Variants in GFRA1 observed in about 807,000 individuals in gnomAD.
The protein encoded by GFRA1 is GDNF family receptor alpha-1.
GFRA1 carries 16 observed loss-of-function variants against 51.6 expected under a neutral mutation model. The observed-to-expected ratio is 0.31, with a 90% CI of 0.21 to 0.47. The LOEUF (loss-of-function observed/expected upper bound fraction) is 0.47. GFRA1 is among the 20% of genes least tolerant of loss of function. The pLI, the probability that GFRA1 is intolerant of heterozygous loss-of-function variation, is 1.00. For synonymous variants in GFRA1, 270 were observed against 241.3 expected (o/e 1.12, Z -1.10); for missense variants, 530 against 594.3 (o/e 0.89, Z 1.13).
chr10:116,102,565 C>G (rs1317846266), intron 6 of GFRA1, among the ~76,000 whole-genome samples: 1 of 152,198 alleles, frequency 6.6e-6, no homozygotes. Context: ...TTCACAGTTC[C>G]ACATGGTGCG....
intron 9 of GFRA1, among the ~76,000 whole-genome samples, chr10:116,086,556 C>CT (rs1956108409): frequency 6.6e-6 from 1 of 152,184 alleles, no homozygotes; most frequent in Non-Finnish European, 1.5e-5. Flanking sequence ...GCCCTTATCC[C>CT]TTATTCCCTG....
chr10:116,163,796 C>T (rs949608983), intron 5 of GFRA1, among the ~76,000 whole-genome samples: 2 of 152,172 alleles, frequency 1.3e-5, no homozygotes, highest in South Asian at 4.1e-4. Context: ...CCAGTGCTGG[C>T]CACATATTTC....
chr10:116,091,275 G>T (rs532400248), intron 8 of GFRA1, among the ~76,000 whole-genome samples: 1 of 152,312 alleles, frequency 6.6e-6, no homozygotes, highest in East Asian at 1.9e-4. Context: ...AACTATGCAT[G>T]GGGCACACAG....
chr10:116,081,775 G>T (rs537355568), intron 9 of GFRA1, among the ~76,000 whole-genome samples: 1 of 152,206 alleles, frequency 6.6e-6, no homozygotes, highest in South Asian at 2.1e-4. Flanking sequence ...TGGGGCTTGG[G>T]GACTACTGGT....
chr10:116,077,968 C>A (rs1358820878), intron 9 of GFRA1, among the ~76,000 whole-genome samples: 1 of 152,152 alleles, frequency 6.6e-6, no homozygotes, highest in Non-Finnish European at 1.5e-5. Context: ...TTAACGTCTC[C>A]CCATGAGTGA....
chr10:116,151,702 G>A (rs897604997), intron 5 of GFRA1, among the ~76,000 whole-genome samples: 4 of 152,036 alleles, frequency 2.6e-5, no homozygotes, highest in African/African-American at 4.8e-5. Context: ...AGGAGGATAC[G>A]CACCACACAG....
intron 4 of GFRA1, among the ~76,000 whole-genome samples, chr10:116,252,050 C>T (rs369201219): frequency 1.6e-5 from 2 of 127,834 alleles, no homozygotes; most frequent in East Asian, 2.6e-4. Context: ...TTCCAAACAA[C>T]ATTTGACTTT....
intron 5 of GFRA1, 21 bp downstream of exon 5, chr10:116,211,610 G>A: frequency 6.5e-7 from 1 of 1,547,938 alleles, no homozygotes; most frequent in Non-Finnish European, 8.7e-7. Flanking sequence ...TGAAAAAGCA[G>A]GCAGGAAACA....
At position 116,079,647 on chromosome 10, in the gene GFRA1, G is replaced by A. The variant is rs933874123; in HGVS notation, c.1197+10094C>T. On this transcript the variant is annotated intron_variant, in intron 9 of 10. Transcript: ENST00000355422. ...CTGGTATCCGGACGGTAGAGGCCAGGGACGCTGCTAAATACCCTACAATGC... is the reference window on the plus strand; with the variant it reads ...CTGGTATCCGGACGGTAGAGGCCAGAGACGCTGCTAAATACCCTACAATGC... Among the ~76,000 whole-genome samples the A allele has an allele frequency of 2.0e-5, 3 of 152,154 alleles. No individual in the cohort carries two copies. In the South Asian group the frequency reaches 6.2e-4, roughly 32 times the overall value.
chr10:116,095,744 G>A (rs955736110), intron 7 of GFRA1, among the ~76,000 whole-genome samples: 14 of 152,288 alleles, frequency 9.2e-5, no homozygotes, highest in Admixed American at 1.3e-4. Flanking sequence ...GTCATTCTCC[G>A]GGAGAGGTTC....
At chr10:116,065,756 A>G (rs1589758749) in intron 9 of GFRA1, 130 bp from the exon 10 acceptor site, 4 of 696,116 alleles carry the variant, frequency 5.7e-6, no homozygotes, top group Admixed American at 4.5e-5. Flanking sequence ...CTCCATATAT[A>G]ATTGAACATT....
At chr10:116,103,854 G>T (rs2133939403) in intron 6 of GFRA1, among the ~76,000 whole-genome samples, 1 of 152,256 alleles carries the variant, frequency 6.6e-6, no homozygotes, top group East Asian at 1.9e-4. Flanking sequence ...AGGAAACCAG[G>T]GCCTGTATTA....
intron 5 of GFRA1, among the ~76,000 whole-genome samples, chr10:116,191,781 C>T (rs1359480915): frequency 6.6e-6 from 1 of 152,178 alleles, no homozygotes; most frequent in African/African-American, 2.4e-5. Context: ...AATCCCAGCA[C>T]TTTGGGAGGC....
chr10:116,236,196 C>A (rs1966872139), intron 4 of GFRA1, among the ~76,000 whole-genome samples: 1 of 152,126 alleles, frequency 6.6e-6, no homozygotes, highest in Admixed American at 6.5e-5. Context: ...GATAACAACC[C>A]CAGCCCATGG....
intron 5 of GFRA1, among the ~76,000 whole-genome samples, chr10:116,139,512 C>T (rs867283047): frequency 3.9e-4 from 60 of 152,348 alleles, no homozygotes; most frequent in African/African-American, 1.3e-3. Flanking sequence ...TTGAATGGTT[C>T]CATTTAAGCA....
At chr10:116,199,458 A>C (rs1459881558) in intron 5 of GFRA1, among the ~76,000 whole-genome samples, 1 of 152,152 alleles carries the variant, frequency 6.6e-6, no homozygotes, top group Non-Finnish European at 1.5e-5. Context: ...TAAAGTTTTC[A>C]AATATGTAGC....
At chr10:116,234,293 C>T (rs1966841877) in intron 4 of GFRA1, among the ~76,000 whole-genome samples, 1 of 152,118 alleles carries the variant, frequency 6.6e-6, no homozygotes, top group Non-Finnish European at 1.5e-5. Context: ...CTTAACTGGA[C>T]AGCATCTTGG....
intron 5 of GFRA1, among the ~76,000 whole-genome samples, chr10:116,194,760 C>T (rs954879579): frequency 2.6e-5 from 4 of 152,108 alleles, no homozygotes; most frequent in Middle Eastern, 3.2e-3. Context: ...AGCATCTTTG[C>T]GCCATTGGTC....
intron 6 of GFRA1, among the ~76,000 whole-genome samples, chr10:116,106,052 C>T (rs1407065272): frequency 2.6e-5 from 4 of 152,074 alleles, no homozygotes; most frequent in East Asian, 1.9e-4. Flanking sequence ...AGGGTGTCAT[C>T]GTGATGTCAT....
Sources: allele counts gnomAD v4.1 joint callset (sites outside exome capture counted in the v4.1 genomes callset), GRCh38; gene constraint gnomAD v4.1.1; transcripts MANE v1.5; gene names NCBI Gene and HGNC (gene_info 2026-07-23, HGNC 2026-07-21).